DTNA: variants seen among roughly 807,000 people sequenced by gnomAD.
DTNA encodes dystrophin-related protein 3.
A neutral mutation model predicts 100.7 loss-of-function variants in DTNA; 43 were observed. The observed-to-expected ratio is 0.43, with a 90% CI of 0.33 to 0.55. The LOEUF (loss-of-function observed/expected upper bound fraction) is 0.55. Ranked by LOEUF, DTNA falls within the 20% of genes least tolerant of loss-of-function variation. The pLI, the probability that DTNA is intolerant of heterozygous loss-of-function variation, is 0.04. For missense variants in DTNA, 798 were observed against 953.9 expected (o/e 0.84, Z 2.15); for synonymous variants, 349 against 347.9 (o/e 1.00, Z -0.04).
intron 1 of DTNA, among the ~76,000 whole-genome samples, chr18:34,547,530 A>C (rs1052778019): frequency 1.3e-5 from 2 of 152,108 alleles, no homozygotes; most frequent in African/African-American, 4.8e-5. Context: ...ATAAGGCCTA[A>C]CTCAATGAAA....
At chr18:34,828,105 C>T (rs1369421096) in intron 10 of DTNA, among the ~76,000 whole-genome samples, 5 of 152,066 alleles carry the variant, frequency 3.3e-5, no homozygotes, top group African/African-American at 7.2e-5. Flanking sequence ...TGTTGGTGAA[C>T]CCTGGAGTTC....
intron 1 of DTNA, among the ~76,000 whole-genome samples, chr18:34,590,470 A>T (rs1287843804): frequency 6.6e-6 from 1 of 152,168 alleles, no homozygotes; most frequent in Non-Finnish European, 1.5e-5. Context: ...ATTAGGGAGG[A>T]AAAAAATAAC....
At chr18:34,508,080 A>T (rs912782481) in intron 1 of DTNA, among the ~76,000 whole-genome samples, 1 of 152,206 alleles carries the variant, frequency 6.6e-6, no homozygotes, top group Non-Finnish European at 1.5e-5. Flanking sequence ...CTTAACCCAG[A>T]TCTACTCCAT....
intron 1 of DTNA, among the ~76,000 whole-genome samples, chr18:34,628,245 C>T (rs557491520): frequency 4.6e-5 from 7 of 152,302 alleles, no homozygotes; most frequent in South Asian, 2.1e-4. Flanking sequence ...TGCTAACCAA[C>T]GTCTATAACT....
intron 5 of DTNA, among the ~76,000 whole-genome samples, chr18:34,808,902 C>T (rs2149288546): frequency 6.6e-6 from 1 of 152,200 alleles, no homozygotes; most frequent in Admixed American, 6.5e-5. Context: ...ATAGTGTGAC[C>T]CCGATAAATC....
intron 1 of DTNA, among the ~76,000 whole-genome samples, chr18:34,577,732 T>C (rs1430009951): frequency 6.6e-6 from 1 of 152,204 alleles, no homozygotes; most frequent in East Asian, 1.9e-4. Context: ...TAGTAGTCTC[T>C]CATCCCATCC....
Position 34,753,531 on chromosome 18 carries a change from C to T in DTNA, c.-1-2445C>T, listed in dbSNP as rs898819893. On this transcript the variant is annotated intron_variant, in intron 1 of 22. Transcript: ENST00000444659. Reference sequence around the variant, plus strand: ...CCAAGTAGCTGGGACTACAGGCGCCCGCCACTACGCCCGGCTAATTTTTTG... The same window carrying T: ...CCAAGTAGCTGGGACTACAGGCGCCTGCCACTACGCCCGGCTAATTTTTTG... Among the ~76,000 whole-genome samples, 343 of 146,128 alleles carry T rather than the reference C, an allele frequency of 2.3e-3. 25 individuals carry two copies. The highest frequency in any genetic ancestry group is 8.9e-3 in the African/African-American group (329 of 37,172).
upstream of DTNA, among the ~76,000 whole-genome samples, chr18:34,708,677 T>G (rs188209270): frequency 3.7e-4 from 57 of 152,312 alleles, no homozygotes; most frequent in East Asian, 8.9e-3. Context: ...AAACATAGGA[T>G]TGTTAATGCA....
intron 1 of DTNA, among the ~76,000 whole-genome samples, chr18:34,722,483 C>A (rs1327465136): frequency 6.6e-6 from 1 of 151,736 alleles, no homozygotes; most frequent in Admixed American, 6.6e-5. Context: ...TACTATAAAT[C>A]AAATTATAAG....
chr18:34,830,959 TTATTATTGCAGA>T (rs2149596400), intron 11 of DTNA, among the ~76,000 whole-genome samples: 1 of 152,306 alleles, frequency 6.6e-6, no homozygotes, highest in South Asian at 2.1e-4. Flanking sequence ...TGTATTATTA[TTATTATTGCAGA>T]TATTATTGCA....
Position 34,526,482 on chromosome 18 carries a change from G to A in DTNA, c.-2+32968G>A, listed in dbSNP as rs148833365. Among the ~76,000 whole-genome samples the A allele has an allele frequency of 3.6e-3, 538 of 151,078 alleles. 16 individuals are homozygous for A. Among genetic ancestry groups the A allele is most frequent in the Admixed American group, 0.029 (443 of 15,108 alleles). ...GTACCTCTATCAAGGGTTTTGGTGA[G>A]TATGTGTATACTAAATATAAAATAC... On this transcript the variant is annotated intron_variant, in intron 1 of 19. Coordinates refer to the DTNA transcript ENST00000283365.
chr18:34,757,255 G>A (rs1408137210), intron 2 of DTNA: 1 of 152,116 alleles, frequency 6.6e-6, no homozygotes, highest in Non-Finnish European at 1.5e-5. Context: ...TGTGACCTTT[G>A]TGCAGTTACA....
intron 1 of DTNA, among the ~76,000 whole-genome samples, chr18:34,622,012 G>C (rs1372675326): frequency 6.6e-6 from 1 of 152,134 alleles, no homozygotes; most frequent in African/African-American, 2.4e-5. Context: ...GGGCAGAGGG[G>C]AGGAATTGGG....
intron 1 of DTNA, among the ~76,000 whole-genome samples, chr18:34,563,876 G>T (rs58511397): frequency 0.041 from 6,201 of 152,158 alleles, 373 homozygotes; most frequent in African/African-American, 0.14. Flanking sequence ...CTAAGAAAAG[G>T]TTGTTGTAAT....
intron 1 of DTNA, among the ~76,000 whole-genome samples, chr18:34,599,286 C>T (rs79364305): frequency 2.3e-3 from 353 of 152,270 alleles, no homozygotes; most frequent in African/African-American, 8.0e-3. Flanking sequence ...AATTCTTCAT[C>T]GCAAAATATG....
At chr18:34,674,386 A>G (rs546449676) in intron 1 of DTNA, among the ~76,000 whole-genome samples, 2 of 152,328 alleles carry the variant, frequency 1.3e-5, no homozygotes, top group East Asian at 3.9e-4. Context: ...GTCAACAAAA[A>G]TAAGTCCTTA....
At chr18:34,549,890 G>C (rs987936869) in intron 1 of DTNA, among the ~76,000 whole-genome samples, 1 of 151,798 alleles carries the variant, frequency 6.6e-6, no homozygotes, top group African/African-American at 2.4e-5. Flanking sequence ...TTGTACATTT[G>C]GCAAATGAAT....
chr18:34,794,249 C>A lies in DTNA; in HGVS notation c.361C>A (p.Pro121Thr). 1 of 1,613,980 alleles carries A rather than the reference C, an allele frequency of 6.2e-7. No individual in the cohort carries two copies. The highest frequency in any genetic ancestry group is 8.5e-7 in the Non-Finnish European group (1 of 1,179,894). The change falls in exon 4 of 23, where the codon CCG becomes ACG. Residue 121 changes from proline to threonine, a missense_variant and splice_region_variant. Physicochemically the swap from Pro to Thr is conservative, Grantham distance 38. Coordinates refer to ENST00000444659, the MANE Select transcript of DTNA (RefSeq NM_001386795.1). ...TAACTTCCTGCTTGCAGCGTTTGAT[C>A]CGTAAGCACCCTCTGAATGTCTGTT... is the stretch of plus-strand genomic sequence containing the variant. ...LLNFLLAAFD[P>T]EGHGKISVFA...
intron 17 of DTNA, among the ~76,000 whole-genome samples, chr18:34,864,563 T>A (rs554301030): frequency 2.4e-4 from 36 of 152,316 alleles, no homozygotes; most frequent in Admixed American, 5.9e-4. Context: ...TAGAACACAT[T>A]CTTATCCATT....
Sources: gnomAD v4.1 joint callset for allele counts (sites outside exome capture counted in the v4.1 genomes callset) on GRCh38, gnomAD v4.1.1 for gene constraint, MANE v1.5 for transcripts, NCBI Gene and HGNC (gene_info 2026-07-23, HGNC 2026-07-21) for gene names.